NXF2B: variants seen among roughly 807,000 people sequenced by gnomAD.
NXF2B encodes nuclear RNA export factor 2B, also known as nuclear RNA export factor 2.
At chrX:102,377,181 TGTGAGAGA>T (rs1373624905) in intron 1 of NXF2B, among the ~76,000 whole-genome samples, 1 of 45,515 alleles carries the variant, frequency 2.2e-5, no homozygotes, top group African/African-American at 9.4e-5. Flanking sequence ...TGTGTGTGTG[TGTGAGAGA>T]GAGAGAGCGA....
chrX:102,398,021 T>C (rs1336954671), intron 2 of NXF2B, among the ~76,000 whole-genome samples: 5 of 78,264 alleles, frequency 6.4e-5, no homozygotes, highest in African/African-American at 1.1e-4. Context: ...ATCCAGAATC[T>C]ACAAGAAACT....
intron 2 of NXF2B, among the ~76,000 whole-genome samples, chrX:102,405,245 G>C (rs1301844287): frequency 1.0e-4 from 6 of 58,843 alleles, no homozygotes; most frequent in African/African-American, 4.3e-4. Flanking sequence ...AGCTGAGATC[G>C]TGCCACTGCA....
chrX:102,433,656 AGT>A (rs1934469666), intron 2 of NXF2B, among the ~76,000 whole-genome samples: 1 of 20,418 alleles, frequency 4.9e-5, no homozygotes, highest in African/African-American at 2.2e-4. Flanking sequence ...AAAAATCAGC[AGT>A]CTTTTAATAC....
intron 2 of NXF2B, among the ~76,000 whole-genome samples, chrX:102,412,594 G>GGAAGAAGAAGAA (rs1251891728): frequency 0.012 from 61 of 4,958 alleles, 15 homozygotes; most frequent in East Asian, 0.026. Context: ...AAGAGGAAGA[G>GGAAGAAGAAGAA]GAAGAAGAAG....
At chrX:102,386,106 C>A (rs1171260083) in intron 2 of NXF2B, among the ~76,000 whole-genome samples, 1 of 115,008 alleles carries the variant, frequency 8.7e-6, no homozygotes, top group East Asian at 2.7e-4. Flanking sequence ...TGCCACCAAG[C>A]CCTAATTTTT....
At chrX:102,439,893 CA>C (rs1232641237) in exon 1 of NXF2B, 1 of 11,289 alleles carries the variant, frequency 8.9e-5, no homozygotes, top group Non-Finnish European at 1.6e-4. Flanking sequence ...GACTTGGAAC[CA>C]ACCTGGGAGC....
At chrX:102,405,098 G>A (rs1225647889) in intron 2 of NXF2B, among the ~76,000 whole-genome samples, 1 of 88,279 alleles carries the variant, frequency 1.1e-5, no homozygotes, top group African/African-American at 4.5e-5. Flanking sequence ...TGGCTAACAC[G>A]GTGGAACCCC....
In NXF2B at chrX:102,392,672, A is replaced by C. The variant is rs1340255482; in HGVS notation, c.-53-12583T>G. ...TCCTGAACAGTATCATTCCCTTCAA[A>C]TCTCTTTTCTCTGTGGAGCCATTTA... On this transcript the variant is annotated intron_variant, in intron 2 of 22. Coordinates refer to the NXF2B transcript ENST00000602195. 6.0e-5 allele frequency among the ~76,000 whole-genome samples: 3 copies of C among 49,746 alleles called. No homozygotes were observed. In the East Asian group the frequency reaches 9.1e-4, roughly 15 times the overall value. 43.2% of individuals were successfully genotyped at this position (49,746 alleles called of 115,157 possible).
intron 2 of NXF2B, among the ~76,000 whole-genome samples, chrX:102,405,151 G>A (rs1431185925): frequency 2.1e-5 from 2 of 96,300 alleles, no homozygotes; most frequent in African/African-American, 8.0e-5. Context: ...TTAGCCGGGC[G>A]TGGTGGCGGG....
intron 2 of NXF2B, among the ~76,000 whole-genome samples, chrX:102,405,124 A>G (rs1364735069): frequency 5.1e-5 from 5 of 97,995 alleles, no homozygotes; most frequent in African/African-American, 2.0e-4. Context: ...TACTAAAAAT[A>G]CAAAAAAAAA....
chrX:102,398,406 C>A (rs1235400932), intron 2 of NXF2B, among the ~76,000 whole-genome samples: 836 of 14,644 alleles, frequency 0.057, 39 homozygotes, highest in Non-Finnish European at 0.079. Context: ...CCAGCAATCC[C>A]CCTACCGGGT....
In NXF2B at chrX:102,412,594, G is replaced by GAAGAA. The variant is rs1569471524; in HGVS notation, c.-54+25958_-54+25959insTTCTT. On this transcript the variant is annotated intron_variant, in intron 2 of 22. Transcript: ENST00000602195. ...AAGAAGAGGAAGAGGAAGAGGAAGA[G>GAAGAA]GAAGAAGAAGAAGAAGAAGAAGAAG... 0.038 allele frequency among the ~76,000 whole-genome samples: 186 copies of GAAGAA among 4,934 alleles called. 28 individuals carry two copies. The Middle Eastern group carries it at 0.6, about 16-fold the overall frequency. 4.3% of individuals were successfully genotyped at this position (4,934 alleles called of 115,157 possible). A position where few individuals can be genotyped will look rare whatever the true frequency, so the allele number is the denominator to read the frequency against.
At chrX:102,398,074 T>A in intron 2 of NXF2B, among the ~76,000 whole-genome samples, 1 of 45,391 alleles carries the variant, frequency 2.2e-5, no homozygotes. Context: ...CATCCAAAAG[T>A]GGGCAAAGGA....
At chrX:102,420,671 C>CCT (rs1934415222) in intron 2 of NXF2B, among the ~76,000 whole-genome samples, 2 of 100,806 alleles carry the variant, frequency 2.0e-5, no homozygotes, top group African/African-American at 3.6e-5. Flanking sequence ...GTCTCTATCC[C>CCT]CTTCAGTTCT....
intron 2 of NXF2B, among the ~76,000 whole-genome samples, chrX:102,404,892 C>G (rs1490765073): frequency 1.1e-4 from 3 of 26,517 alleles, no homozygotes; most frequent in African/African-American, 3.5e-4. Flanking sequence ...ATCACTGATC[C>G]CAGTGATCAG....
At chrX:102,412,647 T>A (rs5987680) in intron 2 of NXF2B, among the ~76,000 whole-genome samples, 1,278 of 12,588 alleles carry the variant, frequency 0.1, 131 homozygotes, top group East Asian at 0.26. Context: ...GAAGAAGAAG[T>A]AGTCATCATC....
chrX:102,432,391 A>G (rs1934452292), intron 2 of NXF2B, among the ~76,000 whole-genome samples: 1 of 109,368 alleles, frequency 9.1e-6, no homozygotes, highest in Non-Finnish European at 1.9e-5. Flanking sequence ...ACTCCATAGC[A>G]GAAAAACAAT....
At chrX:102,438,283 T>G (rs1238562399) in intron 2 of NXF2B, among the ~76,000 whole-genome samples, 2 of 15,388 alleles carry the variant, frequency 1.3e-4, no homozygotes, top group African/African-American at 4.4e-4. Context: ...TCTTCCAGAG[T>G]GTGACACTGT....
chrX:102,393,525 A>AC (rs1184957384), intron 2 of NXF2B, among the ~76,000 whole-genome samples: 25 of 20,120 alleles, frequency 1.2e-3, no homozygotes, highest in Non-Finnish European at 1.6e-3. Flanking sequence ...ACAAAACAAA[A>AC]AAAAAAAAAC....
Sources: allele counts gnomAD v4.1 joint callset (sites outside exome capture counted in the v4.1 genomes callset), GRCh38; gene constraint gnomAD v4.1.1; transcripts MANE v1.5; gene names NCBI Gene and HGNC (gene_info 2026-07-23, HGNC 2026-07-21).